Variants in SERAC1 observed in about 807,000 individuals in gnomAD.
The protein encoded by SERAC1 is serine active site containing 1.
In SERAC1, 36 loss-of-function variants were observed where a neutral mutation model predicts 85.7. The ratio of observed to expected loss-of-function variants is 0.42; its 90% CI spans 0.32 to 0.55. SERAC1 has a LOEUF of 0.55. SERAC1 is among the 20% of genes least tolerant of loss of function. The pLI is 0.11. For missense variants in SERAC1, 629 were observed against 796.2 expected, an observed-to-expected ratio of 0.79 and a Z score of 2.53; for synonymous variants, 242 against 265.3, an observed-to-expected ratio of 0.91 and a Z score of 0.85.
At chr6:158,149,079 T>G (rs544398745) in intron 4 of SERAC1, 125 bp from the exon 5 acceptor site, 1 of 631,102 alleles carries the variant, frequency 1.6e-6, no homozygotes, top group Admixed American at 3.1e-5. Flanking sequence ...AAGCTCTGCC[T>G]CCCGGGTTCA....
At chr6:158,112,642 G>A (rs961890711) in intron 16 of SERAC1, 9 of 151,474 alleles carry the variant, frequency 5.9e-5, no homozygotes, top group African/African-American at 2.2e-4. Flanking sequence ...AACTCATTAT[G>A]TAGACAAAAG....
intron 14 of SERAC1, among the ~76,000 whole-genome samples, chr6:158,115,555 C>T (rs1784266885): frequency 6.6e-6 from 1 of 152,316 alleles, no homozygotes; most frequent in Admixed American, 6.5e-5. Flanking sequence ...AAATCCCCAC[C>T]TCAGAGGCAA....
At chr6:158,118,706 GA>G (rs1262993992) in intron 12 of SERAC1, among the ~76,000 whole-genome samples, 1 of 151,524 alleles carries the variant, frequency 6.6e-6, no homozygotes, top group African/African-American at 2.4e-5. Flanking sequence ...TAAGGTCATA[GA>G]ATTAGGTAAC....
chr6:158,152,054 G>A (rs1785218542), intron 3 of SERAC1, among the ~76,000 whole-genome samples: 1 of 152,114 alleles, frequency 6.6e-6, no homozygotes, highest in Non-Finnish European at 1.5e-5. Flanking sequence ...ATCCAGCTAG[G>A]TTAATTATTG....
In SERAC1 at chr6:158,163,872, G is replaced by A. The variant is rs577932874; in HGVS notation, c.-2+4268C>T. On this transcript the variant is annotated intron_variant, in intron 1 of 16. Transcript: ENST00000647468. ...CTGCCTCAGCCTCCCAAGTAGCTGG[G>A]ATTACAGATGCCCACCACCATACCT... Among the ~76,000 whole-genome samples, 8 of 151,968 alleles carry A rather than the reference G, an allele frequency of 5.3e-5. No individual in the cohort carries two copies. In the East Asian group the frequency reaches 1.2e-3, roughly 22 times the overall value.
intron 1 of SERAC1, among the ~76,000 whole-genome samples, chr6:158,162,636 T>C (rs544203688): frequency 6.6e-6 from 1 of 152,294 alleles, no homozygotes; most frequent in Non-Finnish European, 1.5e-5. Flanking sequence ...ACTTCTTCCA[T>C]TTTTTTCTAT....
chr6:158,122,105 TTG>T (rs779969650), intron 10 of SERAC1, among the ~76,000 whole-genome samples: 6 of 152,218 alleles, frequency 3.9e-5, no homozygotes, highest in Non-Finnish European at 8.8e-5. Context: ...ATATTTCCCA[TTG>T]TGTTACAACT....
chr6:158,118,737 G>A (rs1784351988), intron 12 of SERAC1, among the ~76,000 whole-genome samples: 1 of 151,792 alleles, frequency 6.6e-6, no homozygotes, highest in Non-Finnish European at 1.5e-5. Context: ...TGTAAGTATT[G>A]TTATGTTATT....
intron 10 of SERAC1, among the ~76,000 whole-genome samples, chr6:158,121,777 T>C (rs571188305): frequency 1.2e-4 from 19 of 152,322 alleles, no homozygotes; most frequent in Non-Finnish European, 1.5e-5. Context: ...TATTGGTATA[T>C]ATGAAAATAC....
At chr6:158,144,030 C>T (rs1266046727) in intron 7 of SERAC1, among the ~76,000 whole-genome samples, 5 of 152,170 alleles carry the variant, frequency 3.3e-5, no homozygotes, top group South Asian at 2.1e-4. Flanking sequence ...AAGGGACCAA[C>T]TCATGGATGC....
chr6:158,117,908 C>T lies in SERAC1; in HGVS notation c.1309-87G>A, dbSNP rs370306154. On this transcript the variant is annotated intron_variant, in intron 12 of 16. Coordinates refer to ENST00000647468, the MANE Select transcript of SERAC1 (RefSeq NM_032861.4). This position sits in a 1 kb window ranked among gnomAD's most constrained non-coding sequence, Gnocchi z 4.3. Reference sequence around the variant, plus strand: ...AGTAAATCAAATTTATAACTAAAGGCCTCTTGCACTATAATTAAAGATAGC... The same window carrying T: ...AGTAAATCAAATTTATAACTAAAGGTCTCTTGCACTATAATTAAAGATAGC... 2.1e-6 allele frequency: 2 copies of T among 964,786 alleles called. No homozygotes were observed. The highest frequency in any genetic ancestry group is 1.6e-6 in the Non-Finnish European group (1 of 620,642). 59.8% of individuals were successfully genotyped at this position (964,786 alleles called of 1,614,324 possible).
chr6:158,115,928 T>C (rs986403737), intron 14 of SERAC1, among the ~76,000 whole-genome samples: 2 of 152,242 alleles, frequency 1.3e-5, no homozygotes, highest in Admixed American at 6.5e-5. Flanking sequence ...ATTACCGCTA[T>C]GTGAAAGCAC....
Position 158,116,203 on chromosome 6 carries a change from T to C in SERAC1, c.1483A>G (p.Ile495Val). 5 of 1,614,054 alleles carry C rather than the reference T, an allele frequency of 3.1e-6. No homozygotes were observed. The highest frequency in any genetic ancestry group is 1.6e-4 in the Middle Eastern group (1 of 6,062). ...CACTTACCTCCCATGCTATGTGATA[T>C]CCAAACCACTGGCCTATCCCCAACA... ...AGVGDRPVVW[I>V]SHSMGGLLVK... The change falls in exon 14 of 17, where the codon ATA becomes GTA. Residue 495 changes from isoleucine (I) to valine (V), a missense_variant. Coordinates refer to ENST00000647468, the MANE Select transcript of SERAC1 (RefSeq NM_032861.4).
At chr6:158,116,160 T>C in intron 14 of SERAC1, 25 bp downstream of exon 14, 1 of 1,591,846 alleles carries the variant, frequency 6.3e-7, no homozygotes, top group South Asian at 1.1e-5. Flanking sequence ...CAATGGCCAC[T>C]TCACAAAGTT....
chr6:158,116,418 T>G, intron 13 of SERAC1, 136 bp from the exon 14 acceptor site: 1 of 650,386 alleles, frequency 1.5e-6, no homozygotes, highest in Non-Finnish European at 2.7e-6. Flanking sequence ...ATACCCCCAT[T>G]CTCTCTGCTT....
At chr6:158,154,156 T>C (rs1785270208) in intron 3 of SERAC1, among the ~76,000 whole-genome samples, 1 of 70,274 alleles carries the variant, frequency 1.4e-5, no homozygotes. Context: ...GAAAACTCTG[T>C]CTCAAAAAAA....
At chr6:158,127,050 CAAA>C (rs35185078) in intron 10 of SERAC1, among the ~76,000 whole-genome samples, 3 of 143,860 alleles carry the variant, frequency 2.1e-5, no homozygotes, top group African/African-American at 2.6e-5. Flanking sequence ...GAGATTCTCT[CAAA>C]AAAAAAAAAA....
At chr6:158,138,778 A>G (rs1284989989) in intron 8 of SERAC1, among the ~76,000 whole-genome samples, 1 of 152,180 alleles carries the variant, frequency 6.6e-6, no homozygotes, top group Non-Finnish European at 1.5e-5. Context: ...AGAATAGAGA[A>G]GGGATGAATA....
rs1211159765 is a variant in SERAC1, at chr6:158,111,514, A to T, written c.1829-12T>A. On this transcript the variant is annotated splice_polypyrimidine_tract_variant and intron_variant, in intron 16 of 16. Coordinates refer to ENST00000647468, the MANE Select transcript of SERAC1 (RefSeq NM_032861.4). ...TCCAATGCCTAAATCTGAAGAAAAT[A>T]AAAAAGTCAATAAACCTAAGTAAAA... 3 of 1,567,736 alleles carry T rather than the reference A, an allele frequency of 1.9e-6. No homozygotes were observed. Among genetic ancestry groups the T allele is most frequent in the Non-Finnish European group, 2.6e-6 (3 of 1,161,312 alleles).
Sources: gnomAD v4.1 joint callset for allele counts (sites outside exome capture counted in the v4.1 genomes callset) on GRCh38, gnomAD v4.1.1 for gene constraint, Gnocchi (gnomAD v3.1) non-coding constraint, MANE v1.5 for transcripts, NCBI Gene and HGNC (gene_info 2026-07-23, HGNC 2026-07-21) for gene names.